CNTNAP4: variants seen among roughly 807,000 people sequenced by gnomAD.
CNTNAP4 encodes contactin associated protein family member 4, also known as contactin-associated protein-like 4.
Under a neutral mutation model 148.4 loss-of-function variants are expected in CNTNAP4, and 98 were observed. The observed-to-expected ratio is 0.66, with a 90% CI of 0.56 to 0.78. CNTNAP4 has a LOEUF of 0.78. Among genes scored for constraint, CNTNAP4 ranks in the 30% least tolerant of loss-of-function variants. The pLI is 0.00. For synonymous variants in CNTNAP4, 730 were observed against 565.1 expected (o/e 1.29, Z -4.14); for missense variants, 1,935 against 1,565.6 (o/e 1.24, Z -3.98).
intron 3 of CNTNAP4, among the ~76,000 whole-genome samples, chr16:76,398,734 C>G (rs1335165255): frequency 1.3e-5 from 2 of 152,086 alleles, no homozygotes; most frequent in African/African-American, 4.8e-5. Context: ...ATCCAACTTT[C>G]TGATTTTGAC....
At chr16:76,522,654 C>T (rs1334806967) in intron 17 of CNTNAP4, among the ~76,000 whole-genome samples, 1 of 104,488 alleles carries the variant, frequency 9.6e-6, no homozygotes, top group African/African-American at 4.2e-5. Context: ...TCTTTTCTCT[C>T]TTTCTCTCTT....
Position 76,462,054 on chromosome 16 carries a change from C to G in CNTNAP4, c.1432C>G (p.Pro478Ala). The change falls in exon 9 of 24, where the codon CCT (proline) becomes GCT (alanine). Residue 478 changes from proline (P) to alanine (A), a missense_variant. Pro to Ala is a conservative substitution (Grantham distance 27). Transcript: ENST00000611870. ...AVDGQMASAA[P>A]LLGPEQIYSG... is the part of the protein sequence containing the mutation. ...GGACGGCCAGATGGCTTCTGCTGCT[C>G]CTCTGCTGGGGCCTGAGCAGATTTA... 1 of 1,613,842 alleles carries G rather than the reference C, an allele frequency of 6.2e-7. No individual in the cohort carries two copies. The highest frequency in any genetic ancestry group is 8.5e-7 in the Non-Finnish European group (1 of 1,179,848).
At chr16:76,281,664 G>T (rs918575921) in intron 1 of CNTNAP4, among the ~76,000 whole-genome samples, 4 of 152,040 alleles carry the variant, frequency 2.6e-5, no homozygotes, top group African/African-American at 9.6e-5. Flanking sequence ...TAGATTAATA[G>T]AATTATATAA....
Position 76,316,541 on chromosome 16 carries a change from CT to C in CNTNAP4, c.196+19del, listed in dbSNP as rs749586696. On this transcript the variant is annotated intron_variant, in intron 2 of 23. Coordinates refer to ENST00000611870, the MANE Select transcript of CNTNAP4 (RefSeq NM_033401.5). ...AAGAGATGGTAAGTCTGCTTTTCTC[CT>C]CTGACTGGCCCATAGAAAATCTCAC... The C allele has an allele frequency of 8.6e-6, 13 of 1,510,362 alleles. No homozygotes were observed. In the African/African-American group the frequency reaches 1.8e-4, roughly 21 times the overall value. 93.6% of individuals were successfully genotyped at this position (1,510,362 alleles called of 1,614,324 possible). A position where few individuals can be genotyped will look rare whatever the true frequency, so the allele number is the denominator to read the frequency against.
chr16:76,425,637 C>T (rs1413153114), intron 3 of CNTNAP4, among the ~76,000 whole-genome samples: 1 of 151,872 alleles, frequency 6.6e-6, no homozygotes, highest in African/African-American at 2.4e-5. Context: ...TCAAAAAGGG[C>T]CTGTCTTGGG....
chr16:76,435,293 G>A (rs547176609), intron 4 of CNTNAP4, among the ~76,000 whole-genome samples: 1 of 152,166 alleles, frequency 6.6e-6, no homozygotes, highest in East Asian at 1.9e-4. Flanking sequence ...AGTGCAGTAG[G>A]CTTCCTATCA....
chr16:76,364,899 T>C (rs535972557), intron 3 of CNTNAP4, among the ~76,000 whole-genome samples: 1 of 152,200 alleles, frequency 6.6e-6, no homozygotes, highest in African/African-American at 2.4e-5. Flanking sequence ...TTTGTCTATT[T>C]TGGTTTTTGT....
At chr16:76,296,321 A>T (rs928503272) in intron 1 of CNTNAP4, among the ~76,000 whole-genome samples, 7 of 152,048 alleles carry the variant, frequency 4.6e-5, no homozygotes, top group Admixed American at 4.6e-4. Context: ...ACCTACCTCC[A>T]CCCCACCCAT....
chr16:76,331,494 T>C (rs1159910246), intron 2 of CNTNAP4, among the ~76,000 whole-genome samples: 1 of 151,208 alleles, frequency 6.6e-6, no homozygotes, highest in African/African-American at 2.5e-5. Context: ...GGCCTGTTTT[T>C]TCTTTCAAGT....
chr16:76,438,432 G>A (rs2079914487), intron 4 of CNTNAP4, among the ~76,000 whole-genome samples: 1 of 152,048 alleles, frequency 6.6e-6, no homozygotes, highest in Non-Finnish European at 1.5e-5. Context: ...AATGCCACAA[G>A]GTAATCTGTC....
intron 3 of CNTNAP4, among the ~76,000 whole-genome samples, chr16:76,412,894 A>G (rs1005098251): frequency 2.0e-5 from 3 of 151,538 alleles, no homozygotes; most frequent in African/African-American, 7.2e-5. Flanking sequence ...TTCCTATAAC[A>G]TTACTGTTTT....
intron 12 of CNTNAP4, among the ~76,000 whole-genome samples, chr16:76,482,862 G>A (rs1039641450): frequency 2.0e-5 from 3 of 152,158 alleles, no homozygotes; most frequent in Non-Finnish European, 2.9e-5. Flanking sequence ...TGATTCTTAT[G>A]TGTACTTAGG....
At chr16:76,327,549 G>A (rs1319930092) in intron 2 of CNTNAP4, among the ~76,000 whole-genome samples, 1 of 152,098 alleles carries the variant, frequency 6.6e-6, no homozygotes, top group Admixed American at 6.5e-5. Flanking sequence ...TCTAAACCCT[G>A]TCTCTCTCTC....
At chr16:76,436,816 A>G (rs1597532978) in intron 4 of CNTNAP4, among the ~76,000 whole-genome samples, 1 of 152,126 alleles carries the variant, frequency 6.6e-6, no homozygotes, top group Non-Finnish European at 1.5e-5. Flanking sequence ...TAGAGTCCTT[A>G]GCATTTTTGG....
intron 12 of CNTNAP4, among the ~76,000 whole-genome samples, chr16:76,486,130 C>T (rs867959448): frequency 6.6e-6 from 1 of 152,096 alleles, no homozygotes; most frequent in Non-Finnish European, 1.5e-5. Context: ...CAGGGGGAGA[C>T]GTGAGTAGAC....
At chr16:76,373,629 T>G (rs1225272808) in intron 3 of CNTNAP4, among the ~76,000 whole-genome samples, 7 of 152,038 alleles carry the variant, frequency 4.6e-5, no homozygotes, top group Admixed American at 1.3e-4. Flanking sequence ...GTGGCTCATC[T>G]CATGCCTGTA....
chr16:76,527,026 A>G (rs540291870), intron 17 of CNTNAP4, among the ~76,000 whole-genome samples: 2 of 152,156 alleles, frequency 1.3e-5, no homozygotes, highest in South Asian at 4.2e-4. Context: ...CTTCATCTTA[A>G]TTTATAGCAG....
At position 76,448,116 on chromosome 16, in the gene CNTNAP4, A is replaced by G. The variant is rs755245882; in HGVS notation, c.643A>G (p.Met215Val). ...CATTATTTCTTTGAAATTCAAAACC[A>G]TGCAGAGTGATGGGATTCTACTCCA... ...KDIISLKFKT[M>V]QSDGILLHRE... The change falls in exon 5 of 24, where the codon ATG (methionine) becomes GTG (valine). Residue 215 changes from methionine to valine, a missense_variant. Physicochemically the swap from Met to Val is conservative, Grantham distance 21. Transcript: ENST00000611870. 1 of 1,613,324 alleles carries G rather than the reference A, an allele frequency of 6.2e-7. No homozygotes were observed. The highest frequency in any genetic ancestry group is 1.1e-5 in the South Asian group (1 of 91,078).
At chr16:76,519,672 A>T (rs1346536634) in intron 15 of CNTNAP4, among the ~76,000 whole-genome samples, 1 of 152,192 alleles carries the variant, frequency 6.6e-6, no homozygotes, top group East Asian at 1.9e-4. Flanking sequence ...TGTCCTAGAG[A>T]TCCAAAGGTC....
Sources: allele counts gnomAD v4.1 joint callset (sites outside exome capture counted in the v4.1 genomes callset), GRCh38; gene constraint gnomAD v4.1.1; transcripts MANE v1.5; gene names NCBI Gene and HGNC (gene_info 2026-07-23, HGNC 2026-07-21).